DENND1B: variants seen among roughly 807,000 people sequenced by gnomAD.
DENND1B encodes DENN domain containing 1B.
In DENND1B, 59 loss-of-function variants were observed where a neutral mutation model predicts 90.1. The ratio of observed to expected loss-of-function variants is 0.65; its 90% CI spans 0.53 to 0.81. DENND1B has a LOEUF of 0.81. Among genes scored for constraint, DENND1B ranks in the 40% least tolerant of loss-of-function variants. The pLI is 0.00. For synonymous variants in DENND1B, 337 were observed against 324.6 expected, an observed-to-expected ratio of 1.04 and a Z score of -0.41; for missense variants, 862 against 912.6, an observed-to-expected ratio of 0.94 and a Z score of 0.71.
At chr1:197,637,827 T>TA (rs1158196408) in intron 10 of DENND1B, among the ~76,000 whole-genome samples, 1 of 152,176 alleles carries the variant, frequency 6.6e-6, no homozygotes, top group Non-Finnish European at 1.5e-5. Flanking sequence ...GCTGCAGCTT[T>TA]AAAAACATGA....
intron 7 of DENND1B, among the ~76,000 whole-genome samples, chr1:197,649,358 T>C (rs552129319): frequency 1.1e-4 from 16 of 152,264 alleles, no homozygotes; most frequent in Admixed American, 2.0e-4. Context: ...TAGAAATGAC[T>C]GGAAGGAGAG....
chr1:197,734,420 T>C (rs1662442533), intron 2 of DENND1B: 1 of 985,038 alleles, frequency 1.0e-6, no homozygotes. Flanking sequence ...TATGAAATAT[T>C]TTGTAATTTA....
intron 14 of DENND1B, among the ~76,000 whole-genome samples, chr1:197,592,563 T>C (rs1196454733): frequency 2.0e-5 from 3 of 152,156 alleles, no homozygotes; most frequent in African/African-American, 4.8e-5. Flanking sequence ...ATGAAGGAAC[T>C]AGACGGCTAT....
intron 13 of DENND1B, among the ~76,000 whole-genome samples, chr1:197,598,278 A>G (rs1327032564): frequency 6.6e-6 from 1 of 151,820 alleles, no homozygotes; most frequent in African/African-American, 2.4e-5. Context: ...TGTTTTTCAG[A>G]GACCAGAAGG....
intron 3 of DENND1B, among the ~76,000 whole-genome samples, chr1:197,692,007 T>C (rs1300011738): frequency 2.0e-5 from 3 of 151,862 alleles, no homozygotes; most frequent in Non-Finnish European, 4.4e-5. Flanking sequence ...CAAAGTTCAG[T>C]TATATAACAT....
chr1:197,515,504 T>TG (rs1472466585), intron 20 of DENND1B, among the ~76,000 whole-genome samples: 1 of 151,806 alleles, frequency 6.6e-6, no homozygotes. Context: ...TGTATATGCT[T>TG]GGCTTTATAC....
chr1:197,587,814 C>G (rs1674840158), intron 14 of DENND1B, among the ~76,000 whole-genome samples: 1 of 152,052 alleles, frequency 6.6e-6, no homozygotes, highest in Non-Finnish European at 1.5e-5. Context: ...CTACAACTCA[C>G]TATAATGTAG....
At chr1:197,678,707 T>C (rs1028284909) in intron 3 of DENND1B, among the ~76,000 whole-genome samples, 2 of 152,180 alleles carry the variant, frequency 1.3e-5, no homozygotes, top group Non-Finnish European at 2.9e-5. Context: ...TATATTAATT[T>C]GTCAAATTAC....
chr1:197,622,863 A>G (rs949086495), intron 10 of DENND1B, among the ~76,000 whole-genome samples: 12 of 151,462 alleles, frequency 7.9e-5, no homozygotes, highest in Non-Finnish European at 1.8e-4. Flanking sequence ...ATAAAACTAG[A>G]ATTGTTTTAA....
intron 20 of DENND1B, among the ~76,000 whole-genome samples, chr1:197,522,570 C>G (rs1231756821): frequency 6.6e-6 from 1 of 152,108 alleles, no homozygotes; most frequent in African/African-American, 2.4e-5. Flanking sequence ...TCCTCTCTTA[C>G]CAAATCCTTG....
chr1:197,536,280 T>G (rs1669898872), intron 20 of DENND1B, among the ~76,000 whole-genome samples: 1 of 152,142 alleles, frequency 6.6e-6, no homozygotes, highest in South Asian at 2.1e-4. Context: ...CCTAGATATA[T>G]TCCTGCAATT....
intron 13 of DENND1B, among the ~76,000 whole-genome samples, chr1:197,601,800 T>C (rs1676236267): frequency 6.6e-6 from 1 of 151,730 alleles, no homozygotes; most frequent in Non-Finnish European, 1.5e-5. Flanking sequence ...ATATTTTAAA[T>C]GTTTACAAGC....
chr1:197,770,858 A>G (rs1284761335), intron 2 of DENND1B, among the ~76,000 whole-genome samples: 4 of 135,022 alleles, frequency 3.0e-5, no homozygotes, highest in Non-Finnish European at 6.4e-5. Context: ...ATATATATCT[A>G]TAAATATATA....
At chr1:197,654,321 A>G (rs1653566399) in intron 6 of DENND1B, among the ~76,000 whole-genome samples, 1 of 152,198 alleles carries the variant, frequency 6.6e-6, no homozygotes, top group African/African-American at 2.4e-5. Flanking sequence ...ATTAGAAAAT[A>G]TAACTTAGGC....
At chr1:197,767,260 A>C (rs1269089586) in intron 2 of DENND1B, among the ~76,000 whole-genome samples, 2 of 152,058 alleles carry the variant, frequency 1.3e-5, no homozygotes, top group African/African-American at 4.8e-5. Context: ...CATATTAAAC[A>C]TATCTATAAT....
At chr1:197,599,462 CTAAGA>C (rs1282549806) in intron 13 of DENND1B, among the ~76,000 whole-genome samples, 1 of 151,702 alleles carries the variant, frequency 6.6e-6, no homozygotes, top group Non-Finnish European at 1.5e-5. Flanking sequence ...TAAAACACTC[CTAAGA>C]TATTTTTAAA....
intron 2 of DENND1B, among the ~76,000 whole-genome samples, chr1:197,753,667 T>A (rs539452249): frequency 6.6e-6 from 1 of 152,184 alleles, no homozygotes; most frequent in South Asian, 2.1e-4. Flanking sequence ...GGGAAAACTC[T>A]TTACATGCAA....
At chr1:197,544,904 A>G (rs1447344225) in intron 18 of DENND1B, among the ~76,000 whole-genome samples, 18 of 6,304 alleles carry the variant, frequency 2.9e-3, no homozygotes, top group East Asian at 5.0e-3. Flanking sequence ...AGAAGAAGAA[A>G]GAAGAAGAAA....
At chr1:197,562,508 G>T (rs1672255976) in intron 15 of DENND1B, among the ~76,000 whole-genome samples, 1 of 151,834 alleles carries the variant, frequency 6.6e-6, no homozygotes. Flanking sequence ...GGTGATCTGT[G>T]ATCAGTGATC....
Sources: allele counts gnomAD v4.1 joint callset (sites outside exome capture counted in the v4.1 genomes callset), GRCh38; gene constraint gnomAD v4.1.1; transcripts MANE v1.5; gene names NCBI Gene and HGNC (gene_info 2026-07-23, HGNC 2026-07-21).